The following SNED1 variants were observed in gnomAD, a reference collection of about 807,000 sequenced individuals.
SNED1 encodes the protein sushi, nidogen and EGF like domains 1.
SNED1 carries 81 observed loss-of-function variants against 166.7 expected under a neutral mutation model. The observed-to-expected ratio is 0.49, with a 90% CI of 0.41 to 0.58. SNED1 has a LOEUF of 0.58. Ranked by LOEUF, SNED1 falls within the 20% of genes least tolerant of loss-of-function variation. The pLI is 0.00. For missense variants in SNED1, 1,604 were observed against 2,000.2 expected (o/e 0.80, Z 3.78); for synonymous variants, 762 against 822.0 (o/e 0.93, Z 1.25).
intron 21 of SNED1, 132 bp from the exon 22 acceptor site, chr2:241,067,632 T>C: frequency 1.4e-6 from 1 of 690,316 alleles, no homozygotes; most frequent in South Asian, 2.2e-5. Context: ...CCCTGAGCAG[T>C]TGATGGGACA....
intron 4 of SNED1, among the ~76,000 whole-genome samples, chr2:241,036,179 C>T (rs926762864): frequency 6.6e-6 from 1 of 151,592 alleles, no homozygotes; most frequent in Non-Finnish European, 1.5e-5. Context: ...AGTCGCAGGG[C>T]GGGAAGACCC....
chr2:241,008,543 G>A (rs574310433), intron 1 of SNED1, among the ~76,000 whole-genome samples: 2 of 152,340 alleles, frequency 1.3e-5, no homozygotes, highest in Non-Finnish European at 2.9e-5. Flanking sequence ...AAGGGTCGGG[G>A]CCTGGTCACA....
intron 21 of SNED1, among the ~76,000 whole-genome samples, chr2:241,067,487 A>G (rs1038021976): frequency 8.5e-5 from 13 of 152,232 alleles, no homozygotes; most frequent in African/African-American, 3.1e-4. Flanking sequence ...TGCCACATCT[A>G]AATGGAGACT....
In SNED1 at chr2:241,040,295, C is replaced by T. The variant is rs1417806210; in HGVS notation, c.1160-5C>T. 3 of 1,596,848 alleles carry T rather than the reference C, an allele frequency of 1.9e-6. No homozygotes were observed. In the South Asian group the frequency reaches 3.4e-5, roughly 18 times the overall value. On this transcript the variant is annotated splice_region_variant and splice_polypyrimidine_tract_variant and intron_variant, in intron 7 of 31. Coordinates refer to ENST00000310397, the MANE Select transcript of SNED1 (RefSeq NM_001080437.3). The stretch of plus-strand genomic sequence containing the variant: ...AGCCAAGCCCGCACCTCTGCTGCCC[C>T]TCAGATGTGGACGACTGCAGCCCTG...
chr2:241,049,006 C>G lies in SNED1; in HGVS notation c.1505-16C>G, dbSNP rs751120554. ...ACATGTGGAATATGGGATGGGGCTT[C>G]CTCCTTTCTCTCTAGAAATCACAGC... On this transcript the variant is annotated splice_polypyrimidine_tract_variant and intron_variant, in intron 10 of 31. Coordinates refer to ENST00000310397, the MANE Select transcript of SNED1 (RefSeq NM_001080437.3). 6.3e-7 allele frequency: 1 copy of G among 1,596,048 alleles called. No homozygotes were observed. Among genetic ancestry groups the G allele is most frequent in the East Asian group, 2.3e-5 (1 of 44,304 alleles).
chr2:241,087,701 G>T (rs192541845), intron 30 of SNED1: 1,083 of 1,365,044 alleles, frequency 7.9e-4, no homozygotes, highest in Non-Finnish European at 9.7e-4. Flanking sequence ...TGGGTGCTGG[G>T]GGGGGTCACT....
At chr2:241,033,087 T>G (rs2061238445) in intron 2 of SNED1, among the ~76,000 whole-genome samples, 1 of 152,254 alleles carries the variant, frequency 6.6e-6, no homozygotes, top group Admixed American at 6.5e-5. Context: ...TATACATATA[T>G]GCCTGTATTT....
At chr2:241,042,281 G>A (rs1381477466) in intron 8 of SNED1, among the ~76,000 whole-genome samples, 4 of 152,168 alleles carry the variant, frequency 2.6e-5, no homozygotes, top group Non-Finnish European at 4.4e-5. Flanking sequence ...CTCAAACAGG[G>A]CTGGGAGTCT....
Position 241,022,447 on chromosome 2 carries a change from A to T in SNED1, c.214-7837A>T, listed in dbSNP as rs954698276. ...CTAGCTTTATACTTTTCATAAGTATATCCAGTCTTACCAGCACCATTTGTT... is the reference window on the plus strand; with the variant it reads ...CTAGCTTTATACTTTTCATAAGTATTTCCAGTCTTACCAGCACCATTTGTT... On this transcript the variant is annotated intron_variant, in intron 1 of 31. Coordinates refer to ENST00000310397, the MANE Select transcript of SNED1 (RefSeq NM_001080437.3). Among the ~76,000 whole-genome samples, 4 of 152,328 alleles carry T rather than the reference A, an allele frequency of 2.6e-5. No individual in the cohort carries two copies. In the East Asian group the frequency reaches 7.7e-4, roughly 29 times the overall value.
intron 1 of SNED1, among the ~76,000 whole-genome samples, chr2:241,012,825 C>CTTTTTTTTTTTTTTT (rs59199140): frequency 7.4e-6 from 1 of 134,880 alleles, no homozygotes; most frequent in South Asian, 2.3e-4. Flanking sequence ...TTTTTTTTTT[C>CTTTTTTTTTTTTTTT]TTTTTTTTTT....
chr2:241,090,263 T>C, intron 31 of SNED1: 2 of 1,527,026 alleles, frequency 1.3e-6, no homozygotes, highest in Non-Finnish European at 1.8e-6. Flanking sequence ...AACACACACA[T>C]TGGCTTATGC....
At chr2:241,085,398 A>G (rs2063526458) in intron 29 of SNED1, among the ~76,000 whole-genome samples, 2 of 152,144 alleles carry the variant, frequency 1.3e-5, no homozygotes, top group African/African-American at 4.8e-5. Flanking sequence ...AGTTTTATTA[A>G]TACTGTGTTT....
At chr2:241,065,638 C>G (rs1422941469) in intron 21 of SNED1, 43 bp downstream of exon 21, 3 of 1,574,428 alleles carry the variant, frequency 1.9e-6, no homozygotes, top group East Asian at 4.5e-5. Context: ...AGCCCCTGCC[C>G]CTCGAGGGCA....
At chr2:241,036,296 C>A (rs996612070) in intron 4 of SNED1, among the ~76,000 whole-genome samples, 1 of 151,760 alleles carries the variant, frequency 6.6e-6, no homozygotes, top group Non-Finnish European at 1.5e-5. Flanking sequence ...CTTAGGGAGT[C>A]CGGGCTCACG....
At chr2:241,035,896 G>C (rs2061340968) in intron 4 of SNED1, among the ~76,000 whole-genome samples, 1 of 105,824 alleles carries the variant, frequency 9.4e-6, no homozygotes. Context: ...CGTGCCATGG[G>C]GTGGGGGGTG....
chr2:241,005,351 C>G (rs1226701072), intron 1 of SNED1, among the ~76,000 whole-genome samples: 1 of 151,864 alleles, frequency 6.6e-6, no homozygotes, highest in Admixed American at 6.6e-5. Flanking sequence ...CTACAGGTGC[C>G]CACCATCACC....
rs887433559 is a variant in SNED1, at chr2:241,018,100, C to A, written c.214-12184C>A. On this transcript the variant is annotated intron_variant, in intron 1 of 31. Transcript: ENST00000310397. The surrounding 1 kb of genome is among the most constrained non-coding windows in gnomAD (Gnocchi z 5.4). ...AAGGCTCACTCCCTCCCAGGTAACA[C>A]GCAACCCGAGTAGCTCTGTCTGAGA... is the stretch of plus-strand genomic sequence containing the variant. Among the ~76,000 whole-genome samples the A allele has an allele frequency of 3.3e-5, 5 of 152,184 alleles. No individual in the cohort carries two copies. The highest frequency in any genetic ancestry group is 9.7e-5 in the African/African-American group (4 of 41,430).
Position 241,065,612 on chromosome 2 carries a change from C to A in SNED1, c.3010+17C>A. ...CCCGCACGCGTGAGTGTCCCCGAGC[C>A]TGGCCGTCCCTGCCCAGCCCCTGCC... On this transcript the variant is annotated intron_variant, in intron 21 of 31. Transcript: ENST00000310397. 1 of 1,606,254 alleles carries A rather than the reference C, an allele frequency of 6.2e-7. No homozygotes were observed. Among genetic ancestry groups the A allele is most frequent in the Non-Finnish European group, 8.5e-7 (1 of 1,177,320 alleles).
chr2:241,072,326 C>T (rs2062772023), intron 26 of SNED1: 1 of 416,934 alleles, frequency 2.4e-6, no homozygotes, highest in African/African-American at 2.0e-5. Context: ...GGCAGCAAGG[C>T]TGATGGGCCC....
Sources: gnomAD v4.1 joint callset for allele counts (sites outside exome capture counted in the v4.1 genomes callset) on GRCh38, gnomAD v4.1.1 for gene constraint, Gnocchi (gnomAD v3.1) non-coding constraint, MANE v1.5 for transcripts, NCBI Gene and HGNC (gene_info 2026-07-23, HGNC 2026-07-21) for gene names.